Variants in DCAKD observed in about 807,000 individuals in gnomAD.
DCAKD encodes the protein dephospho-CoA kinase domain containing.
A neutral mutation model predicts 18.7 loss-of-function variants in DCAKD; 15 were observed. The observed-to-expected ratio is 0.80, with a 90% CI of 0.54 to 1.24. The LOEUF is 1.24. Ranked by LOEUF, DCAKD falls within the 50% of genes most tolerant of loss-of-function variation. DCAKD has a pLI of 0.00. For synonymous variants in DCAKD, 130 were observed against 133.0 expected (o/e 0.98, Z 0.16); for missense variants, 301 against 322.0 (o/e 0.93, Z 0.50).
intron 1 of DCAKD, among the ~76,000 whole-genome samples, chr17:45,057,027 A>C (rs2053788020): frequency 6.6e-6 from 1 of 151,822 alleles, no homozygotes; most frequent in Non-Finnish European, 1.5e-5. Context: ...TTGGCCTCCC[A>C]AAGTACTGGG....
intron 1 of DCAKD, among the ~76,000 whole-genome samples, chr17:45,036,208 T>C (rs2053294106): frequency 6.6e-6 from 1 of 152,136 alleles, no homozygotes; most frequent in African/African-American, 2.4e-5. Context: ...ATCCATAAAA[T>C]GAGGTTTAGG....
chr17:45,033,963 T>A, intron 3 of DCAKD: 2 of 1,574,810 alleles, frequency 1.3e-6, no homozygotes, highest in Non-Finnish European at 1.7e-6. Context: ...GAAAGCCTCA[T>A]GTGTCTCTTC....
intron 3 of DCAKD, among the ~76,000 whole-genome samples, chr17:45,032,868 T>TC (rs775235654): frequency 6.6e-5 from 10 of 151,900 alleles, no homozygotes; most frequent in Non-Finnish European, 1.2e-4. Flanking sequence ...AACCAGGCCT[T>TC]CAACTCGGAG....
At chr17:45,055,775 A>G (rs2053772895), upstream of DCAKD, among the ~76,000 whole-genome samples, 1 of 152,144 alleles carries the variant, frequency 6.6e-6, no homozygotes. Context: ...AGTTCCTGCC[A>G]TAGAGGCTGA....
intron 1 of DCAKD, among the ~76,000 whole-genome samples, chr17:45,046,625 A>T (rs1567847922): frequency 6.6e-6 from 1 of 150,858 alleles, no homozygotes; most frequent in Non-Finnish European, 1.5e-5. Flanking sequence ...CAAAAAAAAA[A>T]AAAAAAAAAA....
intron 1 of DCAKD, among the ~76,000 whole-genome samples, chr17:45,040,232 A>G (rs1334634273): frequency 6.6e-6 from 1 of 151,076 alleles, no homozygotes; most frequent in Non-Finnish European, 1.5e-5. Context: ...TACTAAAAAT[A>G]CAAAATTAGC....
At chr17:45,038,873 C>A (rs529388536) in intron 1 of DCAKD, among the ~76,000 whole-genome samples, 1 of 152,238 alleles carries the variant, frequency 6.6e-6, no homozygotes, top group African/African-American at 2.4e-5. Context: ...GTCCAACAAG[C>A]CCCTCTGTAG....
At chr17:45,045,459 C>G (rs545718035) in intron 1 of DCAKD, among the ~76,000 whole-genome samples, 65 of 152,268 alleles carry the variant, frequency 4.3e-4, no homozygotes, top group Admixed American at 3.1e-3. Context: ...TAGCCAGGCA[C>G]AGTGGCTCAC....
chr17:45,044,909 T>C (rs1226174968), intron 1 of DCAKD, among the ~76,000 whole-genome samples: 1 of 152,096 alleles, frequency 6.6e-6, no homozygotes, highest in Non-Finnish European at 1.5e-5. Context: ...CTGCTCTCAA[T>C]GGACAGCGAG....
At chr17:45,054,244 A>G (rs1183794910), upstream of DCAKD, 1 of 440,498 alleles carries the variant, frequency 2.3e-6, no homozygotes, top group South Asian at 1.6e-5. Flanking sequence ...CACTCAAGAC[A>G]GTTTTATTTA....
At position 45,030,293 on chromosome 17, in the gene DCAKD, G is replaced by A. The variant is rs955565795; in HGVS notation, c.317-114C>T. The A allele has an allele frequency of 5.8e-6, 5 of 863,884 alleles. No homozygotes were observed. The African/African-American group carries it at 8.3e-5, about 14-fold the overall frequency. 53.5% of individuals were successfully genotyped at this position (863,884 alleles called of 1,614,324 possible). ...CCAGCAGAGGGGCAGGCCTTCCAAG[G>A]ACACACATACCCTGCACACTGGCCG... On this transcript the variant is annotated intron_variant, in intron 3 of 4. Coordinates refer to ENST00000651974, the MANE Select transcript of DCAKD (RefSeq NM_001288655.2).
rs769325051 is a variant in DCAKD, at chr17:45,034,286, T to A, written c.217A>T (p.Ile73Phe). 5.6e-6 allele frequency: 9 copies of A among 1,614,148 alleles called. No homozygotes were observed. Among genetic ancestry groups the A allele is most frequent in the Non-Finnish European group, 7.6e-6 (9 of 1,180,026 alleles). Residue 73 changes from isoleucine (I) to phenylalanine (F), a missense_variant, in exon 3 of 5, where the codon ATC (isoleucine) becomes TTC (phenylalanine). By Grantham distance (21) the Ile-to-Phe change is conservative. Coordinates refer to ENST00000651974, the MANE Select transcript of DCAKD (RefSeq NM_001288655.2). ...TGCCGCCGGTCAGGCTGGTTAAAGA[T>A]CAGGTCCCCCAGGACCTTGCGATTT... is the stretch of plus-strand genomic sequence containing the variant. ...DINRKVLGDL[I>F]FNQPDRRQLL...
rs372313191 is a variant in DCAKD at position 45,048,787 on chromosome 17, CAG to C, written c.-115+2572_-115+2573del. 1.2e-3 allele frequency among the ~76,000 whole-genome samples: 176 copies of C among 152,172 alleles called. 1 individual carries two copies. Among genetic ancestry groups the C allele is most frequent in the African/African-American group, 3.8e-3 (156 of 41,470 alleles). ...CGCCACTGCACTCCAGCCTGGGTGACAGAGTGAGACAGACTCTGTCTCAAAAA... is the reference window on the plus strand; with the variant it reads ...CGCCACTGCACTCCAGCCTGGGTGACAGTGAGACAGACTCTGTCTCAAAAA... On this transcript the variant is annotated intron_variant, in intron 1 of 4. Coordinates refer to ENST00000651974, the MANE Select transcript of DCAKD (RefSeq NM_001288655.2).
In DCAKD at chr17:45,024,497, G is replaced by T; in HGVS notation, c.632C>A (p.Thr211Lys). The change falls in exon 5 of 5, where the codon ACA becomes AAA. Residue 211 changes from threonine (T) to lysine (K), a missense_variant. Thr to Lys is a moderately conservative substitution (Grantham distance 78). Coordinates refer to ENST00000651974, the MANE Select transcript of DCAKD (RefSeq NM_001288655.2). ...EYLPLRFGVL[T>K]GLAAIASLLY... ...GAGGCTGGCAATGGCAGCGAGCCCT[G>T]TGAGGACCCCAAACCTCAGCGGCAG... 1 of 1,613,946 alleles carries T rather than the reference G, an allele frequency of 6.2e-7. No homozygotes were observed. Among genetic ancestry groups the T allele is most frequent in the Non-Finnish European group, 8.5e-7 (1 of 1,179,828 alleles).
intron 1 of DCAKD, among the ~76,000 whole-genome samples, chr17:45,060,154 T>C (rs966439287): frequency 6.6e-6 from 1 of 152,084 alleles, no homozygotes; most frequent in Non-Finnish European, 1.5e-5. Flanking sequence ...AGGACCTATA[T>C]TGTAGACTTG....
intron 1 of DCAKD, among the ~76,000 whole-genome samples, chr17:45,058,194 A>G (rs1270802466): frequency 6.6e-6 from 1 of 151,912 alleles, no homozygotes; most frequent in African/African-American, 2.4e-5. Flanking sequence ...GCGCACCTGT[A>G]GTCCCAGCTA....
chr17:45,024,571 T>C lies in DCAKD; in HGVS notation c.558A>G (p.Lys186=), dbSNP rs771420954. Residue 186 remains lysine, a synonymous_variant, in exon 5 of 5, where the codon AAA becomes AAG. Transcript: ENST00000651974. ...CAGTGTGCAAGAGGATGACCTGGCG[T>C]TTGGTGACACTCCACTCGCCCGAGT... ...LDNSGEWSVT[K]RQVILLHTEL... The C allele has an allele frequency of 3.1e-6, 5 of 1,614,034 alleles. No homozygotes were observed. Among genetic ancestry groups the C allele is most frequent in the Non-Finnish European group, 4.2e-6 (5 of 1,179,976 alleles).
At chr17:45,040,137 C>T (rs1406421133) in intron 1 of DCAKD, among the ~76,000 whole-genome samples, 1 of 150,308 alleles carries the variant, frequency 6.7e-6, no homozygotes, top group Non-Finnish European at 1.5e-5. Context: ...CCTGTAATCC[C>T]AGCACTTTGG....
chr17:45,037,040 G>A (rs1396748728), intron 1 of DCAKD, among the ~76,000 whole-genome samples: 1 of 152,188 alleles, frequency 6.6e-6, no homozygotes, highest in Non-Finnish European at 1.5e-5. Flanking sequence ...GGGGCAGCAG[G>A]GGACCAACCT....
Sources: allele counts gnomAD v4.1 joint callset (sites outside exome capture counted in the v4.1 genomes callset), GRCh38; gene constraint gnomAD v4.1.1; transcripts MANE v1.5; gene names NCBI Gene and HGNC (gene_info 2026-07-23, HGNC 2026-07-21).